The following NDUFS4 variants were observed in gnomAD, a reference collection of about 807,000 sequenced individuals.
NDUFS4 encodes the protein NADH dehydrogenase [ubiquinone] iron-sulfur protein 4, mitochondrial.
In NDUFS4, 28 loss-of-function variants were observed where a neutral mutation model predicts 24.3. That is an observed-to-expected ratio of 1.15 (90% CI 0.85 to 1.58). The LOEUF (loss-of-function observed/expected upper bound fraction) is 1.58, where lower values mean the gene tolerates loss of function less well. NDUFS4 is among the 40% of genes most tolerant of loss of function. The probability of loss-of-function intolerance (pLI) is 0.00; values close to 1 mark genes in which losing one functional copy is unlikely to be tolerated. For synonymous variants in NDUFS4, 93 were observed against 69.7 expected (o/e 1.34, Z -1.67); for missense variants, 223 against 207.9 (o/e 1.07, Z -0.45).
chr5:53,578,392 G>A (rs1358415026), intron 1 of NDUFS4, among the ~76,000 whole-genome samples: 1 of 152,156 alleles, frequency 6.6e-6, no homozygotes, highest in Non-Finnish European at 1.5e-5. Context: ...CTTTGGGAAA[G>A]ACTACTTTCT....
At chr5:53,580,644 A>C (rs914267969) in intron 1 of NDUFS4, among the ~76,000 whole-genome samples, 2 of 150,348 alleles carry the variant, frequency 1.3e-5, no homozygotes, top group African/African-American at 4.9e-5. Flanking sequence ...TCGCTTATTT[A>C]TTTTCTTTCT....
chr5:53,624,658 C>T (rs926746569), intron 2 of NDUFS4, among the ~76,000 whole-genome samples: 15 of 152,038 alleles, frequency 9.9e-5, no homozygotes, highest in Non-Finnish European at 1.5e-5. Context: ...TAGAACATAA[C>T]TGATTTTTGT....
intron 1 of NDUFS4, among the ~76,000 whole-genome samples, chr5:53,587,724 T>G (rs1343712747): frequency 1.3e-5 from 2 of 152,086 alleles, no homozygotes; most frequent in Non-Finnish European, 2.9e-5. Flanking sequence ...ACCACAGGCA[T>G]GTGCCACCAT....
intron 1 of NDUFS4, among the ~76,000 whole-genome samples, chr5:53,564,151 G>A (rs1748946258): frequency 6.6e-6 from 1 of 152,124 alleles, no homozygotes; most frequent in African/African-American, 2.4e-5. Context: ...CTGTTGCTGT[G>A]TTTGGTTCTT....
At chr5:53,584,638 C>T (rs1427909149) in intron 1 of NDUFS4, among the ~76,000 whole-genome samples, 2 of 152,044 alleles carry the variant, frequency 1.3e-5, no homozygotes, top group Admixed American at 6.5e-5. Flanking sequence ...CCATGCCTGG[C>T]CTCAAATGAG....
Position 53,654,619 on chromosome 5 carries a change from G to C in NDUFS4, c.351-3932G>C, listed in dbSNP as rs77366647. On this transcript the variant is annotated intron_variant, in intron 3 of 4. Transcript: ENST00000296684. Reference sequence around the variant, plus strand: ...CTGAATGGTGCTAATCAAACTAACAGCATTTAGAGCCACTTATAACTGCTA... The same window carrying C: ...CTGAATGGTGCTAATCAAACTAACACCATTTAGAGCCACTTATAACTGCTA... Among the ~76,000 whole-genome samples the C allele has an allele frequency of 7.1e-3, 1,078 of 152,086 alleles. 16 individuals are homozygous for C. Among genetic ancestry groups the C allele is most frequent in the East Asian group, 0.061 (316 of 5,184 alleles).
At chr5:53,607,416 A>G (rs1462386260) in intron 2 of NDUFS4, among the ~76,000 whole-genome samples, 1 of 152,230 alleles carries the variant, frequency 6.6e-6, no homozygotes. Flanking sequence ...ATCACAAAAT[A>G]TACCCAGGTA....
chr5:53,657,158 C>A lies in NDUFS4; in HGVS notation c.351-1393C>A, dbSNP rs1230186208. 2.6e-5 allele frequency among the ~76,000 whole-genome samples: 4 copies of A among 152,152 alleles called. No individual in the cohort carries two copies. The South Asian group carries it at 6.2e-4, about 24-fold the overall frequency. On this transcript the variant is annotated intron_variant, in intron 3 of 4. Coordinates refer to ENST00000296684, the MANE Select transcript of NDUFS4 (RefSeq NM_002495.4). The stretch of plus-strand genomic sequence containing the variant: ...TTCTCAACTAAGCCAATGTGCCTGT[C>A]AACACTTATCAGATTACTGCATCAT...
At chr5:53,651,583 TA>T (rs1220993472) in intron 3 of NDUFS4, among the ~76,000 whole-genome samples, 1 of 151,974 alleles carries the variant, frequency 6.6e-6, no homozygotes, top group Non-Finnish European at 1.5e-5. Flanking sequence ...GTATTTTTTT[TA>T]ATCAGGAGAA....
At chr5:53,620,152 A>C (rs1750986557) in intron 2 of NDUFS4, among the ~76,000 whole-genome samples, 1 of 152,116 alleles carries the variant, frequency 6.6e-6, no homozygotes, top group African/African-American at 2.4e-5. Flanking sequence ...AACATTTTAA[A>C]TATTTTTTGA....
chr5:53,612,282 CTAAGT>C (rs1173162674), intron 2 of NDUFS4, among the ~76,000 whole-genome samples: 1 of 151,890 alleles, frequency 6.6e-6, no homozygotes, highest in Non-Finnish European at 1.5e-5. Flanking sequence ...CATTTATATG[CTAAGT>C]TATTTTGTTT....
intron 3 of NDUFS4, among the ~76,000 whole-genome samples, chr5:53,651,816 C>T (rs565301387): frequency 2.0e-5 from 3 of 146,372 alleles, no homozygotes; most frequent in East Asian, 2.0e-4. Flanking sequence ...CTCTGTCGCT[C>T]AGGCTGGAGT....
At chr5:53,665,929 CT>C (rs1752500821) in intron 4 of NDUFS4, among the ~76,000 whole-genome samples, 1 of 152,214 alleles carries the variant, frequency 6.6e-6, no homozygotes, top group Non-Finnish European at 1.5e-5. Flanking sequence ...ACGCTGGGAG[CT>C]GTAGACTGGA....
intron 4 of NDUFS4, 128 bp from the exon 5 acceptor site, chr5:53,682,990 T>C: frequency 5.2e-6 from 4 of 766,060 alleles, no homozygotes; most frequent in South Asian, 1.4e-5. Flanking sequence ...CTCAGATGTG[T>C]TGACATATAC....
intron 4 of NDUFS4, among the ~76,000 whole-genome samples, chr5:53,669,254 A>T (rs1752602653): frequency 6.6e-6 from 1 of 152,184 alleles, no homozygotes; most frequent in Non-Finnish European, 1.5e-5. Context: ...TGTTTAATAG[A>T]CAAATTCCTC....
intron 2 of NDUFS4, among the ~76,000 whole-genome samples, chr5:53,630,136 T>C (rs553538742): frequency 2.6e-5 from 4 of 152,340 alleles, no homozygotes; most frequent in South Asian, 2.1e-4. Flanking sequence ...CCTTCACTTA[T>C]GAAGCTTAAT....
chr5:53,623,280 TTATTTTCC>T (rs1391907304), intron 2 of NDUFS4, among the ~76,000 whole-genome samples: 243 of 152,338 alleles, frequency 1.6e-3, no homozygotes, highest in African/African-American at 5.3e-3. Flanking sequence ...CCAACATGTG[TTATTTTCC>T]ATTTTCATTA....
intron 4 of NDUFS4, among the ~76,000 whole-genome samples, chr5:53,664,263 A>G (rs1356163138): frequency 6.6e-6 from 1 of 152,002 alleles, no homozygotes; most frequent in African/African-American, 2.4e-5. Flanking sequence ...TGCCGTTAAC[A>G]TCTTTTCCTT....
At chr5:53,634,015 C>T (rs75240607) in intron 2 of NDUFS4, among the ~76,000 whole-genome samples, 15 of 152,260 alleles carry the variant, frequency 9.9e-5, no homozygotes, top group African/African-American at 3.4e-4. Flanking sequence ...AAAGAATACA[C>T]GTGTACATTC....
Sources: allele counts gnomAD v4.1 joint callset (sites outside exome capture counted in the v4.1 genomes callset), GRCh38; gene constraint gnomAD v4.1.1; transcripts MANE v1.5; gene names NCBI Gene and HGNC (gene_info 2026-07-23, HGNC 2026-07-21).